The following GRHL2 variants were observed in gnomAD, a reference collection of about 807,000 sequenced individuals.
GRHL2 encodes grainyhead-like protein 2 homolog.
GRHL2 carries 21 observed loss-of-function variants against 83.8 expected under a neutral mutation model. That is an observed-to-expected ratio of 0.25 (90% CI 0.18 to 0.36). GRHL2 has a LOEUF of 0.36. Among genes scored for constraint, GRHL2 ranks in the 10% least tolerant of loss-of-function variants. The probability of loss-of-function intolerance (pLI) is 1.00; values close to 1 mark genes in which losing one functional copy is unlikely to be tolerated. For missense variants in GRHL2, 623 were observed against 781.8 expected, an observed-to-expected ratio of 0.80 and a Z score of 2.42; for synonymous variants, 280 against 278.9, an observed-to-expected ratio of 1.00 and a Z score of -0.04.
At chr8:101,562,096 T>C (rs1811618444) in intron 4 of GRHL2, 4 of 677,306 alleles carry the variant, frequency 5.9e-6, no homozygotes, top group African/African-American at 5.3e-5. Flanking sequence ...TCAGATAAGA[T>C]GGATGTTTTG....
At chr8:101,646,704 G>A (rs1305037554) in intron 13 of GRHL2, among the ~76,000 whole-genome samples, 1 of 152,268 alleles carries the variant, frequency 6.6e-6, no homozygotes. Flanking sequence ...CAGGGTGTCT[G>A]TGTGGGAGTC....
At chr8:101,579,162 G>A (rs949821690) in intron 7 of GRHL2, among the ~76,000 whole-genome samples, 32 of 152,172 alleles carry the variant, frequency 2.1e-4, no homozygotes, top group Admixed American at 1.5e-3. Flanking sequence ...AGTTAAATCT[G>A]CATAGAGCAG....
chr8:101,606,031 C>A (rs2130332251), intron 8 of GRHL2, among the ~76,000 whole-genome samples: 1 of 152,068 alleles, frequency 6.6e-6, no homozygotes, highest in South Asian at 2.1e-4. Context: ...TTTTGAAAAA[C>A]CATGCAAGAA....
chr8:101,616,827 G>A (rs558036879), intron 8 of GRHL2, among the ~76,000 whole-genome samples: 66 of 152,192 alleles, frequency 4.3e-4, no homozygotes, highest in African/African-American at 1.4e-3. Flanking sequence ...GACCCATTGT[G>A]GGCTTGTGTG....
intron 7 of GRHL2, among the ~76,000 whole-genome samples, chr8:101,584,171 A>G (rs1812117318): frequency 6.6e-6 from 1 of 152,334 alleles, no homozygotes; most frequent in South Asian, 2.1e-4. Flanking sequence ...ATCAGGATTT[A>G]TTAGTTACAT....
rs867880956 is a variant in GRHL2 at position 101,652,319 on chromosome 8, C to T, written c.1698+2820C>T. Among the ~76,000 whole-genome samples the T allele has an allele frequency of 4.4e-4, 48 of 108,074 alleles. 4 individuals are homozygous for T. The highest frequency in any genetic ancestry group is 1.4e-3 in the African/African-American group (33 of 23,122). The allele number at this position is 108,074 out of a possible 152,430, so 70.9% of individuals were successfully genotyped here. ...CAAATGTATATTGGTAGTGTGTGTGCGTGTGTGTGTGGTGTGTGTGTATGT... is the reference window on the plus strand; with the variant it reads ...CAAATGTATATTGGTAGTGTGTGTGTGTGTGTGTGTGGTGTGTGTGTATGT... On this transcript the variant is annotated intron_variant, in intron 14 of 15. Transcript: ENST00000646743.
At chr8:101,620,298 G>T (rs560243225) in intron 9 of GRHL2, among the ~76,000 whole-genome samples, 18 of 152,176 alleles carry the variant, frequency 1.2e-4, no homozygotes, top group Admixed American at 1.1e-3. Flanking sequence ...AATTTTGGGG[G>T]TACACAAACT....
At chr8:101,621,064 AT>A (rs1156997512) in intron 9 of GRHL2, among the ~76,000 whole-genome samples, 2 of 152,208 alleles carry the variant, frequency 1.3e-5, no homozygotes, top group Non-Finnish European at 2.9e-5. Context: ...ATCTGACTAT[AT>A]TTGTATCACT....
chr8:101,616,137 CTT>C, intron 8 of GRHL2, among the ~76,000 whole-genome samples: 1 of 128,244 alleles, frequency 7.8e-6, no homozygotes, highest in African/African-American at 2.9e-5. Context: ...CTTTTTCTTT[CTT>C]TCTTTCTCTC....
chr8:101,661,802 T>C (rs747721273), intron 14 of GRHL2, among the ~76,000 whole-genome samples: 3 of 152,194 alleles, frequency 2.0e-5, no homozygotes, highest in Non-Finnish European at 4.4e-5. Context: ...ACTTTTTTCC[T>C]GTAGTCTGTA....
Position 101,513,499 on chromosome 8 carries a change from G to GATTTTTTTTTTTT in GRHL2, c.20+20710_20+20711insATTTTTTTTTTTT, listed in dbSNP as rs1563558328. 5.8e-4 allele frequency among the ~76,000 whole-genome samples: 5 copies of GATTTTTTTTTTTT among 8,584 alleles called. 1 individual carries two copies. The highest frequency in any genetic ancestry group is 8.5e-4 in the Admixed American group (1 of 1,170). The allele number at this position is 8,584 out of a possible 152,430, so 5.6% of individuals were successfully genotyped here. On this transcript the variant is annotated intron_variant, in intron 1 of 15. Coordinates refer to ENST00000646743, the MANE Select transcript of GRHL2 (RefSeq NM_024915.4). ...GTATGTGGGTGCAGGCTATCGTTGT[G>GATTTTTTTTTTTT]CTTTTTTTTTTGGAGATGGAGTTTT...
chr8:101,553,442 A>G (rs1811427038), intron 3 of GRHL2, among the ~76,000 whole-genome samples: 1 of 152,208 alleles, frequency 6.6e-6, no homozygotes, highest in African/African-American at 2.4e-5. Flanking sequence ...GTAACATTTC[A>G]GTCCTGACTT....
intron 1 of GRHL2, among the ~76,000 whole-genome samples, chr8:101,516,097 G>T (rs2130026857): frequency 6.6e-6 from 1 of 152,134 alleles, no homozygotes; most frequent in Non-Finnish European, 1.5e-5. Flanking sequence ...TCCTGAAAAG[G>T]GACCAAATGG....
intron 7 of GRHL2, among the ~76,000 whole-genome samples, chr8:101,579,905 T>G (rs771209655): frequency 3.3e-5 from 5 of 152,140 alleles, no homozygotes; most frequent in Non-Finnish European, 7.3e-5. Flanking sequence ...AGGCAGAGAG[T>G]GCGTGGGCCG....
intron 14 of GRHL2, among the ~76,000 whole-genome samples, chr8:101,654,780 T>G (rs1813748630): frequency 6.6e-6 from 1 of 152,208 alleles, no homozygotes; most frequent in African/African-American, 2.4e-5. Flanking sequence ...GTCTGTAATT[T>G]AAGCCACTTG....
At chr8:101,549,612 G>A (rs987925957) in intron 2 of GRHL2, among the ~76,000 whole-genome samples, 1 of 152,110 alleles carries the variant, frequency 6.6e-6, no homozygotes, top group Non-Finnish European at 1.5e-5. Context: ...ATGTGATGGT[G>A]CCATAGCACA....
At chr8:101,637,913 C>A (rs1563619599) in intron 12 of GRHL2, among the ~76,000 whole-genome samples, 2 of 152,208 alleles carry the variant, frequency 1.3e-5, no homozygotes. Flanking sequence ...TTTTACTTCT[C>A]AACATCTTAA....
intron 12 of GRHL2, among the ~76,000 whole-genome samples, chr8:101,643,241 C>A (rs1178366370): frequency 1.3e-5 from 2 of 152,010 alleles, no homozygotes; most frequent in Non-Finnish European, 2.9e-5. Flanking sequence ...GGTCCCAGGA[C>A]TTCAGAGACA....
intron 7 of GRHL2, among the ~76,000 whole-genome samples, chr8:101,597,197 T>G (rs1197685489): frequency 6.6e-6 from 1 of 152,132 alleles, no homozygotes; most frequent in African/African-American, 2.4e-5. Context: ...ACTTTTTATG[T>G]GATCAGTCAT....
Sources: gnomAD v4.1 joint callset for allele counts (sites outside exome capture counted in the v4.1 genomes callset) on GRCh38, gnomAD v4.1.1 for gene constraint, MANE v1.5 for transcripts, NCBI Gene and HGNC (gene_info 2026-07-23, HGNC 2026-07-21) for gene names.